NOL9: variants seen among roughly 807,000 people sequenced by gnomAD.
The protein encoded by NOL9 is polynucleotide 5'-hydroxyl-kinase NOL9.
NOL9 carries 28 observed loss-of-function variants against 67.9 expected under a neutral mutation model. That is an observed-to-expected ratio of 0.41 (90% CI 0.31 to 0.57). The LOEUF (loss-of-function observed/expected upper bound fraction) is 0.57. Ranked by LOEUF, NOL9 falls within the 20% of genes least tolerant of loss-of-function variation. NOL9 has a pLI of 0.25. For missense variants in NOL9, 777 were observed against 897.0 expected, an observed-to-expected ratio of 0.87 and a Z score of 1.71; for synonymous variants, 356 against 352.2, an observed-to-expected ratio of 1.01 and a Z score of -0.12.
chr1:6,538,175 A>T (rs1333557215), intron 6 of NOL9, among the ~76,000 whole-genome samples: 1 of 152,172 alleles, frequency 6.6e-6, no homozygotes, highest in Non-Finnish European at 1.5e-5. Flanking sequence ...AAGCATAGGC[A>T]ACAAGTGAAA....
chr1:6,540,216 G>A (rs1639251682), intron 6 of NOL9, among the ~76,000 whole-genome samples: 1 of 142,416 alleles, frequency 7.0e-6, no homozygotes. Context: ...TCCGCCTCCT[G>A]GGTTCATGCC....
intron 1 of NOL9, 53 bp downstream of exon 1, chr1:6,554,054 G>T: frequency 1.4e-6 from 2 of 1,431,362 alleles, no homozygotes; most frequent in Non-Finnish European, 1.9e-6. Flanking sequence ...TCCCGGGGCT[G>T]CCTCTCCAGC....
intron 1 of NOL9, among the ~76,000 whole-genome samples, chr1:6,552,488 T>G (rs1180473135): frequency 6.6e-6 from 1 of 152,190 alleles, no homozygotes; most frequent in Non-Finnish European, 1.5e-5. Flanking sequence ...TTTGGGACAG[T>G]ATCAGCTTAC....
intron 1 of NOL9, among the ~76,000 whole-genome samples, chr1:6,551,563 C>T (rs975337485): frequency 6.6e-6 from 1 of 151,890 alleles, no homozygotes; most frequent in Admixed American, 6.6e-5. Flanking sequence ...CATGCCAGTA[C>T]ACTGCAGCCT....
chr1:6,545,308 C>A, intron 3 of NOL9, 128 bp from the exon 4 acceptor site: 1 of 859,056 alleles, frequency 1.2e-6, no homozygotes, highest in East Asian at 2.5e-5. Context: ...TCTCCTGCCC[C>A]AAAATCCAAC....
intron 2 of NOL9, among the ~76,000 whole-genome samples, chr1:6,550,185 C>T (rs1014326324): frequency 1.3e-5 from 2 of 152,144 alleles, no homozygotes; most frequent in Non-Finnish European, 2.9e-5. Flanking sequence ...GCGCCTGCCA[C>T]CACGCTTGGC....
Position 6,521,951 on chromosome 1 carries a change from C to T in NOL9, c.*3903G>A, listed in dbSNP as rs1374557702. 6.6e-6 allele frequency: 1 copy of T among 152,220 alleles called. No individual in the cohort carries two copies. The highest frequency in any genetic ancestry group is 2.4e-5 in the African/African-American group (1 of 41,454). The allele number at this position is 152,220 out of a possible 1,614,324, so 9.4% of individuals were successfully genotyped here. On this transcript the variant is annotated 3_prime_UTR_variant, in exon 12 of 12. Transcript: ENST00000377705. ...CAGGCTCAGGCTAAGCATCTTCCTC[C>T]AAGTTACACCACTGACAAGTGGTAG...
chr1:6,535,087 G>A (rs1393150948), intron 6 of NOL9, among the ~76,000 whole-genome samples: 1 of 152,192 alleles, frequency 6.6e-6, no homozygotes, highest in Non-Finnish European at 1.5e-5. Context: ...TAGGATTACA[G>A]GCATGAAGCA....
intron 3 of NOL9, among the ~76,000 whole-genome samples, chr1:6,546,363 T>C (rs1048337293): frequency 6.6e-6 from 1 of 152,202 alleles, no homozygotes; most frequent in Admixed American, 6.5e-5. Flanking sequence ...TCTGCAGTCC[T>C]GGTCCAGCTA....
intron 8 of NOL9, 186 bp from the exon 9 acceptor site, chr1:6,532,265 C>A: frequency 1.4e-6 from 1 of 723,128 alleles, no homozygotes; most frequent in Non-Finnish European, 2.3e-6. Flanking sequence ...TTGCTGGCAG[C>A]CAGAGGTAGG....
chr1:6,532,727 C>A lies in NOL9; in HGVS notation c.1271G>T (p.Arg424Leu), dbSNP rs774171115. Residue 424 changes from arginine to leucine, a missense_variant, in exon 8 of 12, where the codon CGA (arginine) becomes CTA (leucine). Around this residue, in one of 2 missense-constraint regions of NOL9, gnomAD observed 413 missense variants for 552.6 expected, o/e 0.75. Transcript: ENST00000377705. ...QGLLLLIDLI[R>L]LLSPSHVVQF... The stretch of plus-strand genomic sequence containing the variant: ...AACCACGTGGCTGGGAGACAGCAAT[C>A]GGATCAGATCAATGAGAAGCAGGAG... The A allele has an allele frequency of 6.2e-7, 1 of 1,613,694 alleles. No individual in the cohort carries two copies. Among genetic ancestry groups the A allele is most frequent in the Non-Finnish European group, 8.5e-7 (1 of 1,179,790 alleles).
rs948002444 is a variant in NOL9, at chr1:6,549,376, A to G, written c.744+195T>C. The G allele has an allele frequency of 5.5e-6, 3 of 545,798 alleles. No individual in the cohort carries two copies. The African/African-American group carries it at 5.7e-5, about 10-fold the overall frequency. The allele number at this position is 545,798 out of a possible 1,614,324, so 33.8% of individuals were successfully genotyped here. On this transcript the variant is annotated intron_variant, in intron 3 of 11. Coordinates refer to ENST00000377705, the MANE Select transcript of NOL9 (RefSeq NM_024654.5). ...TATAAAATGGTGGCTCAGGTATGAAACTAAGGAGGGGAGGATGAACATTTT... is the reference window on the plus strand; with the variant it reads ...TATAAAATGGTGGCTCAGGTATGAAGCTAAGGAGGGGAGGATGAACATTTT...
At position 6,533,262 on chromosome 1, in the gene NOL9, G is replaced by A. The variant is rs764354299; in HGVS notation, c.1237+18C>T. On this transcript the variant is annotated intron_variant, in intron 7 of 11. Coordinates refer to ENST00000377705, the MANE Select transcript of NOL9 (RefSeq NM_024654.5). The stretch of plus-strand genomic sequence containing the variant: ...CACTGCCTGTCCTTCCCTTGCAGAT[G>A]TGCACATGCAGGCTTACCTGAAACC... The A allele has an allele frequency of 4.6e-5, 72 of 1,563,570 alleles. No homozygotes were observed. The highest frequency in any genetic ancestry group is 6.0e-5 in the Non-Finnish European group (69 of 1,151,394).
intron 5 of NOL9, 109 bp from the exon 6 acceptor site, chr1:6,542,036 C>G: frequency 1.8e-6 from 1 of 569,226 alleles, no homozygotes; most frequent in Non-Finnish European, 2.9e-6. Flanking sequence ...CATAATCCAC[C>G]ACACACAGCA....
chr1:6,545,221 A>AT (rs763404901), intron 3 of NOL9, 41 bp from the exon 4 acceptor site: 5 of 1,583,486 alleles, frequency 3.2e-6, no homozygotes, highest in South Asian at 2.3e-5. Flanking sequence ...AAAAATGCAT[A>AT]TTTTTTTCTT....
intron 6 of NOL9, among the ~76,000 whole-genome samples, chr1:6,538,405 G>A (rs1247259649): frequency 6.6e-6 from 1 of 152,202 alleles, no homozygotes; most frequent in Non-Finnish European, 1.5e-5. Flanking sequence ...GGATGCCGTG[G>A]CTCACGCCTG....
intron 6 of NOL9, among the ~76,000 whole-genome samples, chr1:6,540,369 G>A (rs190592949): frequency 1.4e-4 from 22 of 151,918 alleles, no homozygotes; most frequent in African/African-American, 4.3e-4. Context: ...TGATCCACCC[G>A]CCTTGGTCTC....
At chr1:6,531,539 C>T (rs1639028407) in intron 9 of NOL9, among the ~76,000 whole-genome samples, 1 of 152,096 alleles carries the variant, frequency 6.6e-6, no homozygotes, top group South Asian at 2.1e-4. Flanking sequence ...AGAGTGTTCT[C>T]TGGGTGCCAG....
chr1:6,542,414 C>T (rs1360462500), intron 5 of NOL9, among the ~76,000 whole-genome samples: 2 of 150,492 alleles, frequency 1.3e-5, no homozygotes, highest in African/African-American at 4.9e-5. Flanking sequence ...CTGCCCACCT[C>T]GGTCCCCCAA....
Sources: allele counts gnomAD v4.1 joint callset (sites outside exome capture counted in the v4.1 genomes callset), GRCh38; gene constraint gnomAD v4.1.1; regional missense constraint gnomAD v4.1.1; transcripts MANE v1.5; gene names NCBI Gene and HGNC (gene_info 2026-07-23, HGNC 2026-07-21).